Variants in FMN1 observed in about 807,000 individuals in gnomAD.
The protein encoded by FMN1 is formin 1.
FMN1 carries 110 observed loss-of-function variants against 132.4 expected under a neutral mutation model. That is an observed-to-expected ratio of 0.83 (90% confidence interval 0.71 to 0.97). FMN1 has a LOEUF of 0.97. Among genes scored for constraint, FMN1 ranks in the 50% least tolerant of loss-of-function variants. The pLI is 0.00. For missense variants in FMN1, 1,792 were observed against 1,705.3 expected (o/e 1.05, Z -0.90); for synonymous variants, 722 against 651.7 (o/e 1.11, Z -1.64).
chr15:32,994,423 A>C (rs2033645444), intron 7 of FMN1, among the ~76,000 whole-genome samples: 1 of 152,152 alleles, frequency 6.6e-6, no homozygotes. Flanking sequence ...CAAACAAGCC[A>C]AGCTTCTCTT....
At chr15:32,953,642 G>A (rs972637672) in intron 9 of FMN1, among the ~76,000 whole-genome samples, 1 of 152,308 alleles carries the variant, frequency 6.6e-6, no homozygotes. Context: ...TAAGTGGACA[G>A]TTTTGTCTGG....
At chr15:33,043,754 A>C (rs779494193) in intron 6 of FMN1, among the ~76,000 whole-genome samples, 10 of 152,222 alleles carry the variant, frequency 6.6e-5, no homozygotes, top group Non-Finnish European at 1.2e-4. Flanking sequence ...CCATGCAGCC[A>C]GTGGGAGCCA....
At chr15:33,145,537 A>G (rs1420263549) in intron 4 of FMN1, among the ~76,000 whole-genome samples, 1 of 151,674 alleles carries the variant, frequency 6.6e-6, no homozygotes, top group African/African-American at 2.4e-5. Flanking sequence ...GCATGAATCC[A>G]TGGGGCTGGC....
chr15:32,888,658 C>T (rs1442568737), intron 15 of FMN1, among the ~76,000 whole-genome samples: 2 of 152,186 alleles, frequency 1.3e-5, no homozygotes, highest in Non-Finnish European at 1.5e-5. Context: ...TTGATTTACA[C>T]ATGCTAGCAA....
chr15:33,139,828 A>T (rs1044283947), intron 4 of FMN1, among the ~76,000 whole-genome samples: 1 of 152,068 alleles, frequency 6.6e-6, no homozygotes, highest in Non-Finnish European at 1.5e-5. Flanking sequence ...GAGCCAAGGG[A>T]TCCTTTTCAT....
intron 7 of FMN1, among the ~76,000 whole-genome samples, chr15:32,981,547 ATT>A (rs1351365456): frequency 1.3e-4 from 19 of 145,328 alleles, no homozygotes; most frequent in African/African-American, 2.0e-4. Context: ...AATAATAATT[ATT>A]ATTATTATTA....
chr15:33,097,585 T>C (rs1256328794), intron 4 of FMN1, among the ~76,000 whole-genome samples: 1 of 151,808 alleles, frequency 6.6e-6, no homozygotes, highest in Non-Finnish European at 1.5e-5. Flanking sequence ...CAAAAGACAG[T>C]GGAAAGAGAA....
chr15:32,827,961 T>G (rs1217970979), intron 17 of FMN1, among the ~76,000 whole-genome samples: 1 of 151,996 alleles, frequency 6.6e-6, no homozygotes, highest in Non-Finnish European at 1.5e-5. Flanking sequence ...AAAAACATGG[T>G]TTATTCACAC....
chr15:33,009,215 A>C (rs911540358), intron 6 of FMN1, among the ~76,000 whole-genome samples: 2 of 152,132 alleles, frequency 1.3e-5, no homozygotes, highest in African/African-American at 4.8e-5. Context: ...CATTATCCCC[A>C]CCAGCACCAC....
At chr15:32,861,112 C>T (rs560298163) in intron 16 of FMN1, among the ~76,000 whole-genome samples, 3 of 152,212 alleles carry the variant, frequency 2.0e-5, no homozygotes, top group African/African-American at 7.2e-5. Flanking sequence ...TTTAATTAAC[C>T]CTCTACTATA....
At chr15:32,776,692 T>C (rs1415105711) in intron 20 of FMN1, 143 bp downstream of exon 20, 97 of 544,850 alleles carry the variant, frequency 1.8e-4, no homozygotes, top group Middle Eastern at 2.9e-4. Context: ...ACATACTTTT[T>C]TTTTTTTTTT....
At chr15:32,861,153 ATTGT>A (rs2059258675) in intron 16 of FMN1, among the ~76,000 whole-genome samples, 1 of 152,180 alleles carries the variant, frequency 6.6e-6, no homozygotes, top group Admixed American at 6.5e-5. Context: ...TTTATATAGA[ATTGT>A]TTTTCATGAA....
intron 9 of FMN1, among the ~76,000 whole-genome samples, chr15:32,948,432 C>T (rs1006945835): frequency 6.6e-5 from 10 of 151,818 alleles, no homozygotes; most frequent in Non-Finnish European, 1.5e-4. Flanking sequence ...ATATACTAGT[C>T]TTGAGTTTAA....
intron 17 of FMN1, among the ~76,000 whole-genome samples, chr15:32,822,564 C>T (rs2058247300): frequency 6.6e-6 from 1 of 152,072 alleles, no homozygotes; most frequent in South Asian, 2.1e-4. Flanking sequence ...TCTTGTCTCT[C>T]AGCATTTTTC....
At chr15:32,939,802 G>A (rs1460369413) in intron 9 of FMN1, among the ~76,000 whole-genome samples, 1 of 152,132 alleles carries the variant, frequency 6.6e-6, no homozygotes, top group Non-Finnish European at 1.5e-5. Flanking sequence ...ACTGAACGCT[G>A]TGGACTGGTG....
chr15:33,096,644 G>C (rs1422331894), intron 4 of FMN1, among the ~76,000 whole-genome samples: 1 of 151,502 alleles, frequency 6.6e-6, no homozygotes, highest in Non-Finnish European at 1.5e-5. Flanking sequence ...ATATCATCTA[G>C]GCTGGAGTGC....
chr15:32,937,145 A>AC (rs2061295059), intron 9 of FMN1, among the ~76,000 whole-genome samples: 1 of 152,102 alleles, frequency 6.6e-6, no homozygotes, highest in South Asian at 2.1e-4. Flanking sequence ...ATTGCACTGA[A>AC]TGCATACTAA....
chr15:32,838,132 T>C (rs1342290923), intron 17 of FMN1, among the ~76,000 whole-genome samples: 2 of 152,046 alleles, frequency 1.3e-5, no homozygotes, highest in Non-Finnish European at 2.9e-5. Context: ...CAGTGATTCC[T>C]GAATATGAAG....
intron 5 of FMN1, among the ~76,000 whole-genome samples, chr15:33,079,409 G>C (rs1482509011): frequency 2.6e-5 from 4 of 152,216 alleles, no homozygotes; most frequent in Non-Finnish European, 5.9e-5. Context: ...GATCACCTGA[G>C]ATCAGGAGTT....
Sources: allele counts gnomAD v4.1 joint callset (sites outside exome capture counted in the v4.1 genomes callset), GRCh38; gene constraint gnomAD v4.1.1; transcripts MANE v1.5; gene names NCBI Gene and HGNC (gene_info 2026-07-23, HGNC 2026-07-21).